Variants in NALF1 observed in about 807,000 individuals in gnomAD.
NALF1 encodes family with sequence similarity 155 member A.
A neutral mutation model predicts 48.4 loss-of-function variants in NALF1; 3 were observed. The observed-to-expected ratio is 0.06, with a 90% CI of 0.03 to 0.16. The LOEUF (loss-of-function observed/expected upper bound fraction) is 0.16, where lower values mean the gene tolerates loss of function less well. Among genes scored for constraint, NALF1 ranks in the 10% least tolerant of loss-of-function variants. The pLI is 1.00. For synonymous variants in NALF1, 262 were observed against 245.7 expected (o/e 1.07, Z -0.62); for missense variants, 526 against 571.5 (o/e 0.92, Z 0.81).
At chr13:107,316,904 C>A (rs1020333232) in intron 1 of NALF1, among the ~76,000 whole-genome samples, 2 of 152,066 alleles carry the variant, frequency 1.3e-5, no homozygotes, top group African/African-American at 4.8e-5. Flanking sequence ...AAGAATAACA[C>A]CTAAATCTTC....
chr13:107,741,492 T>A (rs1876631888), intron 1 of NALF1, among the ~76,000 whole-genome samples: 1 of 145,252 alleles, frequency 6.9e-6, no homozygotes, highest in Admixed American at 7.2e-5. Flanking sequence ...GTAGGAGCAA[T>A]CAGGTGAGAA....
intron 1 of NALF1, among the ~76,000 whole-genome samples, chr13:107,820,449 T>C (rs537398993): frequency 1.3e-5 from 2 of 152,330 alleles, no homozygotes; most frequent in East Asian, 3.9e-4. Flanking sequence ...ACTCTTTTTG[T>C]ACATCACATA....
chr13:107,865,744 C>T lies in NALF1; in HGVS notation c.853G>A (p.Val285Met). 1 of 1,614,036 alleles carries T rather than the reference C, an allele frequency of 6.2e-7. No individual in the cohort carries two copies. Reference protein sequence around the residue: ...AQEKYEEFESVLHKYLQSEEY... With the variant: ...AQEKYEEFESMLHKYLQSEEY... ...TCCGACTGTAAATATTTGTGGAGCACGCTTTCAAACTCTTCGTATTTCTCC... is the reference window on the plus strand; with the variant it reads ...TCCGACTGTAAATATTTGTGGAGCATGCTTTCAAACTCTTCGTATTTCTCC... The change falls in exon 1 of 3, where the codon GTG becomes ATG. Residue 285 changes from valine to methionine, a missense_variant. This residue lies in a region of NALF1 where 153 missense variants were observed against 215.9 expected (regional missense o/e 0.71). Transcript: ENST00000375915.
At chr13:107,340,139 G>T (rs528225711) in intron 1 of NALF1, among the ~76,000 whole-genome samples, 1 of 150,692 alleles carries the variant, frequency 6.6e-6, no homozygotes. Flanking sequence ...GTTTGCCTGT[G>T]GTTGTATACA....
chr13:107,337,623 A>G (rs889346065), intron 1 of NALF1, among the ~76,000 whole-genome samples: 42 of 152,248 alleles, frequency 2.8e-4, no homozygotes, highest in African/African-American at 8.9e-4. Flanking sequence ...TATGAAAGCT[A>G]TTTGAGGCCA....
intron 1 of NALF1, among the ~76,000 whole-genome samples, chr13:107,353,832 C>T (rs1594133775): frequency 6.6e-6 from 1 of 152,178 alleles, no homozygotes. Flanking sequence ...ATGTCTAACA[C>T]AGGAATAATC....
intron 1 of NALF1, among the ~76,000 whole-genome samples, chr13:107,617,420 AAAG>A (rs768951410): frequency 9.2e-5 from 14 of 152,372 alleles, no homozygotes; most frequent in Non-Finnish European, 1.8e-4. Flanking sequence ...TTGCATCAAT[AAAG>A]AAGAACAACA....
intron 1 of NALF1, among the ~76,000 whole-genome samples, chr13:107,576,385 T>C (rs1878149654): frequency 6.6e-6 from 1 of 152,226 alleles, no homozygotes; most frequent in South Asian, 2.1e-4. Flanking sequence ...TCATTTGTTT[T>C]CTATTCTCTT....
At chr13:107,372,220 A>C (rs141153630) in intron 1 of NALF1, among the ~76,000 whole-genome samples, 3,086 of 152,348 alleles carry the variant, frequency 0.02, 51 homozygotes, top group South Asian at 0.041. Context: ...ATGTTTAAAC[A>C]ATGTACATGG....
At chr13:107,555,439 A>ATTTTTTTTTT (rs34486058) in intron 1 of NALF1, among the ~76,000 whole-genome samples, 24 of 69,958 alleles carry the variant, frequency 3.4e-4, no homozygotes, top group African/African-American at 1.0e-3. Flanking sequence ...AGCCTGGCTA[A>ATTTTTTTTTT]TTTTTTTTTT....
At chr13:107,471,258 C>T (rs562267308) in intron 1 of NALF1, among the ~76,000 whole-genome samples, 4 of 151,552 alleles carry the variant, frequency 2.6e-5, no homozygotes, top group South Asian at 4.2e-4. Context: ...TTTAAAAATG[C>T]GGATTATATT....
At chr13:107,262,320 C>G (rs1347084108) in intron 1 of NALF1, among the ~76,000 whole-genome samples, 1 of 152,090 alleles carries the variant, frequency 6.6e-6, no homozygotes, top group East Asian at 1.9e-4. Context: ...GAGGCTGAGA[C>G]AGGAGGATCA....
At chr13:107,579,630 T>C (rs1460587940) in intron 1 of NALF1, among the ~76,000 whole-genome samples, 1 of 151,748 alleles carries the variant, frequency 6.6e-6, no homozygotes, top group African/African-American at 2.4e-5. Context: ...CCAATTTTTA[T>C]TTGACAATTA....
At chr13:107,806,296 G>T (rs1469644862) in intron 1 of NALF1, among the ~76,000 whole-genome samples, 1 of 152,074 alleles carries the variant, frequency 6.6e-6, no homozygotes, top group Non-Finnish European at 1.5e-5. Flanking sequence ...TTTCAATTGT[G>T]AGGAAGATGA....
chr13:107,200,157 C>G (rs1879480541), intron 2 of NALF1, among the ~76,000 whole-genome samples: 1 of 152,186 alleles, frequency 6.6e-6, no homozygotes, highest in African/African-American at 2.4e-5. Flanking sequence ...CAGTGAGCAC[C>G]ACAGCAGCAG....
At chr13:107,597,941 T>C (rs1311581429) in intron 1 of NALF1, among the ~76,000 whole-genome samples, 1 of 152,174 alleles carries the variant, frequency 6.6e-6, no homozygotes. Context: ...GAAGTACAGA[T>C]AAGAAAATCA....
At chr13:107,438,160 G>T (rs1850511339) in intron 1 of NALF1, among the ~76,000 whole-genome samples, 1 of 152,020 alleles carries the variant, frequency 6.6e-6, no homozygotes, top group African/African-American at 2.4e-5. Flanking sequence ...TATAAATGGA[G>T]AATTCTAGAA....
chr13:107,676,938 T>C (rs891231120), intron 1 of NALF1, among the ~76,000 whole-genome samples: 1 of 152,346 alleles, frequency 6.6e-6, no homozygotes, highest in Middle Eastern at 3.4e-3. Context: ...ACAAAATATC[T>C]ACCTGCTATA....
At chr13:107,716,883 T>C (rs954438831) in intron 1 of NALF1, among the ~76,000 whole-genome samples, 4 of 152,132 alleles carry the variant, frequency 2.6e-5, no homozygotes, top group Admixed American at 1.3e-4. Flanking sequence ...GTTATTTTGA[T>C]GGCGGGGTTT....
Sources: gnomAD v4.1 joint callset for allele counts (sites outside exome capture counted in the v4.1 genomes callset) on GRCh38, gnomAD v4.1.1 for gene constraint, gnomAD v4.1.1 regional missense constraint, MANE v1.5 for transcripts, NCBI Gene and HGNC (gene_info 2026-07-23, HGNC 2026-07-21) for gene names.